MCHR2: variants seen among roughly 807,000 people sequenced by gnomAD.
MCHR2 encodes the protein melanin concentrating hormone receptor 2, also known as melanin-concentrating hormone receptor 2.
In MCHR2, 15 loss-of-function variants were observed where a neutral mutation model predicts 24.8. The observed-to-expected ratio is 0.60, with a 90% confidence interval of 0.40 to 0.93. MCHR2 has a LOEUF of 0.93. Among genes scored for constraint, MCHR2 ranks in the 40% least tolerant of loss-of-function variants. The probability of loss-of-function intolerance (pLI) is 0.00; values close to 1 mark genes in which losing one functional copy is unlikely to be tolerated. For missense variants in MCHR2, 386 were observed against 408.7 expected (o/e 0.94, Z 0.48); for synonymous variants, 151 against 147.6 (o/e 1.02, Z -0.17).
At chr6:99,975,087 C>T (rs1038522647) in intron 1 of MCHR2, among the ~76,000 whole-genome samples, 2 of 152,218 alleles carry the variant, frequency 1.3e-5, no homozygotes, top group African/African-American at 4.8e-5. Context: ...AGAACCACTA[C>T]TCTCTTCAAA....
At chr6:99,984,299 GTGCACAATGT>G (rs1650395158) in intron 1 of MCHR2, among the ~76,000 whole-genome samples, 1 of 150,288 alleles carries the variant, frequency 6.7e-6, no homozygotes, top group Admixed American at 6.6e-5. Context: ...TAGGGTACAT[GTGCACAATGT>G]GCAGGTTAGT....
intron 1 of MCHR2, among the ~76,000 whole-genome samples, chr6:99,972,656 G>T (rs1372859655): frequency 6.6e-6 from 1 of 151,788 alleles, no homozygotes; most frequent in African/African-American, 2.4e-5. Context: ...GTGATGTTAG[G>T]GTGTCAATTT....
intron 5 of MCHR2, among the ~76,000 whole-genome samples, chr6:99,931,545 G>A (rs545953762): frequency 3.9e-5 from 6 of 152,270 alleles, no homozygotes; most frequent in African/African-American, 7.2e-5. Context: ...GGGCAATGGC[G>A]GGCAACCCTC....
intron 5 of MCHR2, among the ~76,000 whole-genome samples, chr6:99,925,342 A>G (rs969339459): frequency 2.6e-5 from 4 of 151,636 alleles, no homozygotes; most frequent in Non-Finnish European, 5.9e-5. Flanking sequence ...TTGTTTTTTC[A>G]TTCAGTCAGC....
Position 99,918,910 on chromosome 6 carries a change from A to G in MCHR2, c.*2030T>C, listed in dbSNP as rs1197444974. 1.3e-5 allele frequency among the ~76,000 whole-genome samples: 2 copies of G among 152,240 alleles called. No homozygotes were observed. Among genetic ancestry groups the G allele is most frequent in the Non-Finnish European group, 2.9e-5 (2 of 68,038 alleles). ...TTTGAGGACTATTGGGACTGCTACT[A>G]GAAAAAGGTCTGTGGTTTAAAGCTA... is the stretch of plus-strand genomic sequence containing the variant. On this transcript the variant is annotated 3_prime_UTR_variant, in exon 6 of 6. Transcript: ENST00000281806.
chr6:99,986,785 A>G (rs1347969735), intron 1 of MCHR2, among the ~76,000 whole-genome samples: 1 of 151,558 alleles, frequency 6.6e-6, no homozygotes, highest in Admixed American at 6.6e-5. Flanking sequence ...AAATATATCC[A>G]TGTAACACAT....
chr6:99,952,731 T>G (rs940558489), intron 2 of MCHR2, among the ~76,000 whole-genome samples: 3 of 152,140 alleles, frequency 2.0e-5, no homozygotes, highest in African/African-American at 7.2e-5. Context: ...TAAGTTGCTT[T>G]CAAATCACTT....
intron 1 of MCHR2, among the ~76,000 whole-genome samples, chr6:99,970,728 T>C (rs892968194): frequency 3.3e-5 from 5 of 152,216 alleles, no homozygotes; most frequent in Non-Finnish European, 5.9e-5. Flanking sequence ...CATCTTGAAT[T>C]AATTTTTGTA....
intron 1 of MCHR2, among the ~76,000 whole-genome samples, chr6:99,987,068 A>G (rs767157816): frequency 2.9e-4 from 44 of 150,862 alleles, no homozygotes; most frequent in Non-Finnish European, 4.4e-4. Context: ...ACTCTATTGT[A>G]TTGTGTTTGT....
chr6:99,928,465 C>T (rs1774423038), intron 5 of MCHR2, among the ~76,000 whole-genome samples: 1 of 151,984 alleles, frequency 6.6e-6, no homozygotes, highest in African/African-American at 2.4e-5. Flanking sequence ...TCCATCTGGT[C>T]CTGGACTCTT....
chr6:99,930,023 GGGC>G, intron 5 of MCHR2, among the ~76,000 whole-genome samples: 1 of 150,142 alleles, frequency 6.7e-6, no homozygotes, highest in South Asian at 2.1e-4. Context: ...AGCTCTTTTA[GGGC>G]AGGCCTGGTG....
chr6:99,988,945 G>A (rs1374118025), intron 1 of MCHR2, among the ~76,000 whole-genome samples: 1 of 152,124 alleles, frequency 6.6e-6, no homozygotes, highest in Non-Finnish European at 1.5e-5. Context: ...TCTCAAGGCC[G>A]TTATGAGTCA....
chr6:99,961,200 G>A (rs1562128111), intron 1 of MCHR2, among the ~76,000 whole-genome samples: 1 of 151,566 alleles, frequency 6.6e-6, no homozygotes, highest in Non-Finnish European at 1.5e-5. Flanking sequence ...GAAAAAAAAA[G>A]CGTTTTAGGA....
intron 1 of MCHR2, among the ~76,000 whole-genome samples, chr6:99,967,808 A>AT (rs1480867142): frequency 2.0e-5 from 3 of 152,002 alleles, no homozygotes; most frequent in Non-Finnish European, 4.4e-5. Flanking sequence ...GGAGGATCTC[A>AT]TTTTTCACCT....
Position 99,970,244 on chromosome 6 carries a change from T to C in MCHR2, c.-27-14070A>G, listed in dbSNP as rs1331903881. Reference sequence around the variant, plus strand: ...CTGTTGTTTCCTGACTTTTTAATGATGGCCATTCAAACTGGTGTGAGATGG... The same window carrying C: ...CTGTTGTTTCCTGACTTTTTAATGACGGCCATTCAAACTGGTGTGAGATGG... On this transcript the variant is annotated intron_variant, in intron 1 of 5. Coordinates refer to ENST00000281806, the MANE Select transcript of MCHR2 (RefSeq NM_001040179.2). 3.3e-5 allele frequency among the ~76,000 whole-genome samples: 5 copies of C among 152,180 alleles called. No individual in the cohort carries two copies. In the East Asian group the frequency reaches 9.7e-4, roughly 29 times the overall value.
At position 99,918,730 on chromosome 6, in the gene MCHR2, C is replaced by T. The variant is rs558275206; in HGVS notation, c.*2210G>A. On this transcript the variant is annotated 3_prime_UTR_variant, in exon 6 of 6. Transcript: ENST00000281806. ...TCTCTATCAAATCACCTCTGTAAATCTGCATATAAATATGCTTATGCATAG... is the reference window on the plus strand; with the variant it reads ...TCTCTATCAAATCACCTCTGTAAATTTGCATATAAATATGCTTATGCATAG... 6.6e-6 allele frequency among the ~76,000 whole-genome samples: 1 copy of T among 152,276 alleles called. No individual in the cohort carries two copies. Among genetic ancestry groups the T allele is most frequent in the East Asian group, 1.9e-4 (1 of 5,172 alleles).
chr6:99,984,971 C>T (rs1426140605), intron 1 of MCHR2, among the ~76,000 whole-genome samples: 1 of 152,038 alleles, frequency 6.6e-6, no homozygotes, highest in African/African-American at 2.4e-5. Context: ...TAAATGACTT[C>T]AGTAAAGTTT....
At chr6:99,967,535 T>C (rs1184048136) in intron 1 of MCHR2, among the ~76,000 whole-genome samples, 2 of 152,182 alleles carry the variant, frequency 1.3e-5, no homozygotes, top group Non-Finnish European at 2.9e-5. Context: ...CTTATTTTAG[T>C]AAATAGTCAT....
At chr6:99,979,140 G>A (rs562663500) in intron 1 of MCHR2, among the ~76,000 whole-genome samples, 10 of 152,218 alleles carry the variant, frequency 6.6e-5, no homozygotes, top group South Asian at 6.2e-4. Context: ...GTGGTAGAGC[G>A]TCTTGTTTTA....
Sources: allele counts gnomAD v4.1 joint callset (sites outside exome capture counted in the v4.1 genomes callset), GRCh38; gene constraint gnomAD v4.1.1; transcripts MANE v1.5; gene names NCBI Gene and HGNC (gene_info 2026-07-23, HGNC 2026-07-21).